The following PBX1 variants were observed in gnomAD, a reference collection of about 807,000 sequenced individuals.
PBX1 encodes the protein pre-B-cell leukemia transcription factor 1.
PBX1 carries 6 observed loss-of-function variants against 53.4 expected under a neutral mutation model. The observed-to-expected ratio is 0.11, with a 90% CI of 0.06 to 0.22. The LOEUF (loss-of-function observed/expected upper bound fraction) is 0.22, where lower values mean the gene tolerates loss of function less well. Ranked by LOEUF, PBX1 falls within the 10% of genes least tolerant of loss-of-function variation. The pLI, the probability that PBX1 is intolerant of heterozygous loss-of-function variation, is 1.00. For missense variants in PBX1, 251 were observed against 551.4 expected (o/e 0.46, Z 5.46); for synonymous variants, 204 against 212.3 (o/e 0.96, Z 0.34).
intron 2 of PBX1, among the ~76,000 whole-genome samples, chr1:164,879,680 G>C (rs539461003): frequency 5.6e-4 from 85 of 152,328 alleles, no homozygotes; most frequent in South Asian, 1.5e-3. Flanking sequence ...AGTCATGATG[G>C]TTAAATGTGT....
intron 2 of PBX1, among the ~76,000 whole-genome samples, chr1:164,624,540 G>T (rs1003791903): frequency 6.6e-6 from 1 of 152,202 alleles, no homozygotes; most frequent in African/African-American, 2.4e-5. Flanking sequence ...CCCTGAGGGA[G>T]CCTTGAAGTT....
chr1:164,881,646 TG>T (rs960002830), intron 2 of PBX1, among the ~76,000 whole-genome samples: 3 of 65,842 alleles, frequency 4.6e-5, no homozygotes, highest in Admixed American at 1.2e-4. Context: ...GGAGGAAAAG[TG>T]GGGAAAAAGA....
chr1:164,833,970 T>G (rs1435069334), intron 8 of PBX1, among the ~76,000 whole-genome samples: 1 of 151,704 alleles, frequency 6.6e-6, no homozygotes, highest in Non-Finnish European at 1.5e-5. Context: ...CCTATAATTT[T>G]TATGCCAGAA....
chr1:164,587,054 A>G (rs957364284), intron 2 of PBX1, among the ~76,000 whole-genome samples: 1 of 152,190 alleles, frequency 6.6e-6, no homozygotes, highest in African/African-American at 2.4e-5. Context: ...TAGCAAGCCC[A>G]TGCTTGACAT....
At chr1:164,637,874 C>G (rs1291006479) in intron 2 of PBX1, among the ~76,000 whole-genome samples, 1 of 152,162 alleles carries the variant, frequency 6.6e-6, no homozygotes, top group Non-Finnish European at 1.5e-5. Context: ...CTTGCTGACT[C>G]AAGCTTCTTA....
intron 2 of PBX1, among the ~76,000 whole-genome samples, chr1:164,784,068 G>C (rs555717932): frequency 2.0e-5 from 3 of 152,300 alleles, no homozygotes; most frequent in Admixed American, 2.0e-4. Context: ...GAAGGAAACT[G>C]TTCCTTGTAT....
intron 2 of PBX1, among the ~76,000 whole-genome samples, chr1:164,691,430 A>G (rs1257053463): frequency 6.6e-6 from 1 of 152,148 alleles, no homozygotes; most frequent in Admixed American, 6.5e-5. Flanking sequence ...ACATTTCCTT[A>G]TGAGGAGTAA....
intron 3 of PBX1, among the ~76,000 whole-genome samples, chr1:164,795,846 T>G (rs1571422976): frequency 6.6e-6 from 1 of 152,318 alleles, no homozygotes; most frequent in African/African-American, 2.4e-5. Flanking sequence ...AATTGGTTAC[T>G]TAATAATTAA....
At chr1:164,712,195 G>C (rs955030582) in intron 2 of PBX1, among the ~76,000 whole-genome samples, 17 of 90,960 alleles carry the variant, frequency 1.9e-4, no homozygotes, top group Middle Eastern at 7.9e-3. Flanking sequence ...AAAAAAAAAA[G>C]CCCCACTGCC....
intron 2 of PBX1, among the ~76,000 whole-genome samples, chr1:164,765,681 G>A (rs1353521287): frequency 1.3e-5 from 2 of 152,178 alleles, no homozygotes; most frequent in African/African-American, 4.8e-5. Flanking sequence ...AAACAACTGA[G>A]GCTTTGAGAA....
At chr1:164,659,999 T>A (rs1043499892) in intron 2 of PBX1, among the ~76,000 whole-genome samples, 2 of 152,144 alleles carry the variant, frequency 1.3e-5, no homozygotes, top group African/African-American at 4.8e-5. Flanking sequence ...CTTTCCTGGG[T>A]AGGTGAGCCA....
At chr1:164,743,113 G>A (rs1665702212) in intron 2 of PBX1, among the ~76,000 whole-genome samples, 1 of 152,152 alleles carries the variant, frequency 6.6e-6, no homozygotes, top group Non-Finnish European at 1.5e-5. Context: ...AGCCTAAAGG[G>A]GGTGCCTGTA....
chr1:164,627,858 C>T (rs1159704868), intron 2 of PBX1, among the ~76,000 whole-genome samples: 3 of 152,154 alleles, frequency 2.0e-5, no homozygotes, highest in African/African-American at 7.2e-5. Context: ...ATTTTTCTCA[C>T]ACATCACTGT....
chr1:164,848,167 G>A lies in PBX1; in HGVS notation c.*1491G>A. 9.5e-7 allele frequency: 1 copy of A among 1,049,834 alleles called. No homozygotes were observed. Among genetic ancestry groups the A allele is most frequent in the Non-Finnish European group, 1.1e-6 (1 of 869,590 alleles). 65.0% of individuals were successfully genotyped at this position (1,049,834 alleles called of 1,614,324 possible). A position where few individuals can be genotyped will look rare whatever the true frequency, so the allele number is the denominator to read the frequency against. On this transcript the variant is annotated 3_prime_UTR_variant, in exon 9 of 9. Transcript: ENST00000420696. ...ATGTTTTCATTGAAATCATCACAGT[G>A]ATTTTTATTCCCTGGGAACACAGCG...
chr1:164,568,740 G>A (rs543073217), intron 2 of PBX1, among the ~76,000 whole-genome samples: 30 of 152,292 alleles, frequency 2.0e-4, no homozygotes, highest in Non-Finnish European at 4.0e-4. Context: ...TGGGGTAATC[G>A]ATCGTCGCTC....
chr1:164,870,355 T>TTCTTTCTTTCTTTCTTTC (rs1553255711), intron 2 of PBX1, among the ~76,000 whole-genome samples: 1 of 94,790 alleles, frequency 1.1e-5, no homozygotes, highest in Non-Finnish European at 2.3e-5. Context: ...CTTTCTTTCT[T>TTCTTTCTTTCTTTCTTTC]TCTTTCGAGA....
At chr1:164,873,707 G>A (rs1672433930) in intron 2 of PBX1, among the ~76,000 whole-genome samples, 1 of 152,134 alleles carries the variant, frequency 6.6e-6, no homozygotes, top group South Asian at 2.1e-4. Context: ...CTCAACCACC[G>A]CACATGTCTT....
At chr1:164,634,079 C>T (rs1303362465) in intron 2 of PBX1, among the ~76,000 whole-genome samples, 2 of 152,220 alleles carry the variant, frequency 1.3e-5, no homozygotes, top group Admixed American at 6.5e-5. Context: ...CAGCTCCCCA[C>T]CACCTGTAAT....
intron 8 of PBX1, among the ~76,000 whole-genome samples, chr1:164,837,482 A>G (rs10800054): frequency 0.28 from 42,893 of 152,116 alleles, 6,366 homozygotes; most frequent in Middle Eastern, 0.36. Flanking sequence ...GTATGAGTAC[A>G]TTCGAAATGT....
Sources: allele counts gnomAD v4.1 joint callset (sites outside exome capture counted in the v4.1 genomes callset), GRCh38; gene constraint gnomAD v4.1.1; transcripts MANE v1.5; gene names NCBI Gene and HGNC (gene_info 2026-07-23, HGNC 2026-07-21).